The following MARCHF11 variants were observed in gnomAD, a reference collection of about 807,000 sequenced individuals.
MARCHF11 encodes membrane associated ring-CH-type finger 11, also known as E3 ubiquitin-protein ligase MARCHF11.
Under a neutral mutation model 37.3 loss-of-function variants are expected in MARCHF11, and 29 were observed. The observed-to-expected ratio is 0.78, with a 90% CI of 0.58 to 1.06. MARCHF11 has a LOEUF of 1.06. Ranked by LOEUF, MARCHF11 falls within the 50% of genes least tolerant of loss-of-function variation. The pLI is 0.00. For synonymous variants in MARCHF11, 233 were observed against 228.0 expected, an observed-to-expected ratio of 1.02 and a Z score of -0.20; for missense variants, 482 against 533.4, an observed-to-expected ratio of 0.90 and a Z score of 0.95.
intron 3 of MARCHF11, among the ~76,000 whole-genome samples, chr5:16,085,629 A>G (rs1736682700): frequency 6.6e-6 from 1 of 152,040 alleles, no homozygotes; most frequent in Non-Finnish European, 1.5e-5. Context: ...TTTAGTTGGC[A>G]ATGTAAAAGG....
chr5:16,169,397 A>G (rs1738221324), intron 2 of MARCHF11, among the ~76,000 whole-genome samples: 1 of 152,114 alleles, frequency 6.6e-6, no homozygotes, highest in South Asian at 2.1e-4. Context: ...TAAGGAAGGG[A>G]CATCCATTGT....
intron 2 of MARCHF11, among the ~76,000 whole-genome samples, chr5:16,154,510 A>G (rs1454777990): frequency 6.6e-6 from 1 of 151,934 alleles, no homozygotes; most frequent in Admixed American, 6.6e-5. Flanking sequence ...TTCAAAAAGT[A>G]ACTGTGTGAT....
chr5:16,072,445 G>A (rs1272629885), intron 3 of MARCHF11, among the ~76,000 whole-genome samples: 1 of 152,000 alleles, frequency 6.6e-6, no homozygotes, highest in Non-Finnish European at 1.5e-5. Flanking sequence ...CATGGGGCCT[G>A]CATGATGGGA....
At chr5:16,178,968 G>T in intron 1 of MARCHF11, 71 bp downstream of exon 1, 1 of 1,353,884 alleles carries the variant, frequency 7.4e-7, no homozygotes, top group Non-Finnish European at 9.5e-7. Flanking sequence ...TGCGCTGTCC[G>T]TGGTGCTGAA....
intron 2 of MARCHF11, among the ~76,000 whole-genome samples, chr5:16,159,530 T>C (rs1056840757): frequency 6.6e-6 from 1 of 152,042 alleles, no homozygotes; most frequent in Non-Finnish European, 1.5e-5. Flanking sequence ...TCTGAAACGA[T>C]ATGCATGTGC....
chr5:16,174,075 T>C (rs758602418), intron 2 of MARCHF11, among the ~76,000 whole-genome samples: 17 of 152,230 alleles, frequency 1.1e-4, no homozygotes, highest in South Asian at 2.1e-4. Flanking sequence ...AGATCCATCA[T>C]GCCTCTGGAA....
intron 2 of MARCHF11, among the ~76,000 whole-genome samples, chr5:16,132,064 C>T (rs1343585160): frequency 1.3e-5 from 2 of 152,228 alleles, no homozygotes; most frequent in Non-Finnish European, 2.9e-5. Context: ...AGCCCCATGG[C>T]AAGGGCTCAG....
chr5:16,137,237 A>G (rs529550338), intron 2 of MARCHF11, among the ~76,000 whole-genome samples: 238 of 152,218 alleles, frequency 1.6e-3, no homozygotes, highest in Non-Finnish European at 3.1e-3. Flanking sequence ...CATCATCCCC[A>G]TGTGTCATGG....
intron 2 of MARCHF11, among the ~76,000 whole-genome samples, chr5:16,104,222 G>A (rs563749450): frequency 6.6e-6 from 1 of 152,086 alleles, no homozygotes; most frequent in Admixed American, 6.6e-5. Context: ...ATTCCCTAGA[G>A]TACTCACTTC....
intron 2 of MARCHF11, among the ~76,000 whole-genome samples, chr5:16,174,986 T>A (rs560301612): frequency 6.6e-6 from 1 of 152,306 alleles, no homozygotes; most frequent in South Asian, 2.1e-4. Context: ...GATTTGTAAT[T>A]TTCACTTTCA....
At chr5:16,123,035 G>A (rs146382882) in intron 2 of MARCHF11, among the ~76,000 whole-genome samples, 1 of 152,140 alleles carries the variant, frequency 6.6e-6, no homozygotes, top group Non-Finnish European at 1.5e-5. Context: ...CCCTCCCACT[G>A]AAAAACTACT....
chr5:16,179,497 G>T lies in MARCHF11; in HGVS notation c.79C>A (p.Pro27Thr), dbSNP rs1312794931. 4 of 1,163,554 alleles carry T rather than the reference G, an allele frequency of 3.4e-6. 1 individual carries two copies. Among genetic ancestry groups the T allele is most frequent in the East Asian group, 7.8e-5 (2 of 25,480 alleles). 72.1% of individuals were successfully genotyped at this position (1,163,554 alleles called of 1,614,324 possible). A position where few individuals can be genotyped will look rare whatever the true frequency, so the allele number is the denominator to read the frequency against. The change falls in exon 1 of 4, where the codon CCC becomes ACC. Residue 27 changes from proline (P) to threonine (T), a missense_variant. Physicochemically the swap from Pro to Thr is conservative, Grantham distance 38. Transcript: ENST00000332432. The part of the protein sequence containing the change: ...SGDAEPPPQP[P>T]PPPPPTPPPG... The stretch of plus-strand genomic sequence containing the variant: ...GGCGGCGTCGGCGGCGGCGGCGGGG[G>T]AGGTTGCGGGGGAGGCTCGGCGTCC...
At chr5:16,132,573 C>G (rs956048564) in intron 2 of MARCHF11, among the ~76,000 whole-genome samples, 29 of 152,150 alleles carry the variant, frequency 1.9e-4, no homozygotes, top group African/African-American at 6.5e-4. Flanking sequence ...GACTGACAAG[C>G]AAACAAGGGG....
chr5:16,099,097 GA>G (rs1736915845), intron 2 of MARCHF11, among the ~76,000 whole-genome samples: 1 of 151,924 alleles, frequency 6.6e-6, no homozygotes, highest in Non-Finnish European at 1.5e-5. Flanking sequence ...AAGAGGAAAA[GA>G]AAAGAAAAAT....
chr5:16,176,661 T>G (rs895089291), intron 2 of MARCHF11, among the ~76,000 whole-genome samples: 14 of 152,266 alleles, frequency 9.2e-5, no homozygotes, highest in Admixed American at 8.5e-4. Context: ...GATACAAAAA[T>G]TTTAAACTAT....
rs773917991 is a variant in MARCHF11, at chr5:16,090,879, A to C, written c.886+10T>G. On this transcript the variant is annotated intron_variant, in intron 3 of 3. Coordinates refer to ENST00000332432, the MANE Select transcript of MARCHF11 (RefSeq NM_001102562.3). ...TGACAGTGTGTTAACGTTGAAGGTCATGGTCTTACCTATGCACACTAGATC... is the reference window on the plus strand; with the variant it reads ...TGACAGTGTGTTAACGTTGAAGGTCCTGGTCTTACCTATGCACACTAGATC... 6.6e-7 allele frequency: 1 copy of C among 1,522,146 alleles called. No homozygotes were observed. Among genetic ancestry groups the C allele is most frequent in the Non-Finnish European group, 8.9e-7 (1 of 1,129,802 alleles). The allele number at this position is 1,522,146 out of a possible 1,614,324, so 94.3% of individuals were successfully genotyped here.
intron 2 of MARCHF11, among the ~76,000 whole-genome samples, chr5:16,096,127 C>T (rs1736863874): frequency 6.6e-6 from 1 of 152,320 alleles, no homozygotes; most frequent in African/African-American, 2.4e-5. Flanking sequence ...TAATTCCCTA[C>T]TTAAACTGAC....
chr5:16,067,348 TA>T lies in MARCHF11; in HGVS notation c.*122del. 1 of 870,768 alleles carries T rather than the reference TA, an allele frequency of 1.1e-6. No homozygotes were observed. Among genetic ancestry groups the T allele is most frequent in the Non-Finnish European group, 1.8e-6 (1 of 569,322 alleles). 53.9% of individuals were successfully genotyped at this position (870,768 alleles called of 1,614,324 possible). A position where few individuals can be genotyped will look rare whatever the true frequency, so the allele number is the denominator to read the frequency against. ...TGTATTTGCAATTCAAATGTTCATA[TA>T]AAAAGCATAAATTTTAAAAAGTTCA... On this transcript the variant is annotated 3_prime_UTR_variant, in exon 4 of 4. Transcript: ENST00000332432.
chr5:16,172,632 A>G (rs1363504545), intron 2 of MARCHF11, among the ~76,000 whole-genome samples: 3 of 152,186 alleles, frequency 2.0e-5, no homozygotes, highest in African/African-American at 7.2e-5. Context: ...TCATGCTCTG[A>G]TGTTTTCTTG....
Sources: allele counts gnomAD v4.1 joint callset (sites outside exome capture counted in the v4.1 genomes callset), GRCh38; gene constraint gnomAD v4.1.1; transcripts MANE v1.5; gene names NCBI Gene and HGNC (gene_info 2026-07-23, HGNC 2026-07-21).